Variants in CYP3A5 observed in about 807,000 individuals in gnomAD.
The protein encoded by CYP3A5 is cytochrome P450 family 3 subfamily A member 5, also known as cytochrome P450 3A5.
A neutral mutation model predicts 55.9 loss-of-function variants in CYP3A5; 51 were observed. The observed-to-expected ratio is 0.91, with a 90% confidence interval of 0.73 to 1.15. CYP3A5 has a LOEUF of 1.15. CYP3A5 is among the 50% of genes most tolerant of loss of function. The probability of loss-of-function intolerance (pLI) is 0.00; values close to 1 mark genes in which losing one functional copy is unlikely to be tolerated. For missense variants in CYP3A5, 533 were observed against 596.6 expected (o/e 0.89, Z 1.11); for synonymous variants, 196 against 213.9 (o/e 0.92, Z 0.73).
Position 99,648,340 on chromosome 7 carries a change from C to T in CYP3A5, c.1474G>A (p.Val492Met), listed in dbSNP as rs751470585. ...LQPEKPIVLK[V>M]DSRDGTLSGE ...CTTAGGGTTCCATCTCTTGAATCCA[C>T]CTTTAGAACAATGGGTTTTTCTGGT... Residue 492 changes from valine (V) to methionine (M), a missense_variant, in exon 13 of 13, where the codon GTG (valine) becomes ATG (methionine). Transcript: ENST00000222982. The T allele has an allele frequency of 1.9e-6, 3 of 1,612,568 alleles. No individual in the cohort carries two copies. Among genetic ancestry groups the T allele is most frequent in the East Asian group, 4.5e-5 (2 of 44,840 alleles).
chr7:99,663,644 A>T, intron 8 of CYP3A5: 1 of 1,013,112 alleles, frequency 9.9e-7, no homozygotes, highest in Non-Finnish European at 1.2e-6. Flanking sequence ...GCACAATACC[A>T]GTAAAATATA....
At chr7:99,666,245 C>T (rs1432149342) in intron 6 of CYP3A5, among the ~76,000 whole-genome samples, 1 of 152,206 alleles carries the variant, frequency 6.6e-6, no homozygotes, top group African/African-American at 2.4e-5. Flanking sequence ...CAATGCAAGG[C>T]AACAAGTACC....
intron 10 of CYP3A5, among the ~76,000 whole-genome samples, chr7:99,655,541 A>C (rs760850850): frequency 1.1e-4 from 17 of 152,236 alleles, no homozygotes; most frequent in Non-Finnish European, 2.4e-4. Context: ...CTTTTGGCTT[A>C]GGATTGACTT....
chr7:99,660,769 C>A, intron 9 of CYP3A5, 110 bp from the exon 10 acceptor site: 1 of 1,332,664 alleles, frequency 7.5e-7, no homozygotes. Context: ...AATGGAAAAG[C>A]AATTCAAAGT....
chr7:99,675,834 C>T (rs1195273088), intron 2 of CYP3A5, among the ~76,000 whole-genome samples: 1 of 149,238 alleles, frequency 6.7e-6, no homozygotes, highest in Non-Finnish European at 1.5e-5. Flanking sequence ...GCTGGGACTA[C>T]AGGCATGGGC....
At chr7:99,651,373 G>C (rs1022981839) in intron 11 of CYP3A5, among the ~76,000 whole-genome samples, 1 of 152,130 alleles carries the variant, frequency 6.6e-6, no homozygotes, top group Non-Finnish European at 1.5e-5. Flanking sequence ...CCAAGTTCCT[G>C]ACACATGGCA....
intron 10 of CYP3A5, among the ~76,000 whole-genome samples, chr7:99,654,050 A>G (rs77129191): frequency 6.6e-6 from 1 of 151,988 alleles, no homozygotes; most frequent in Non-Finnish European, 1.5e-5. Context: ...TGTGAGCAAT[A>G]AATGCTTCTC....
intron 12 of CYP3A5, among the ~76,000 whole-genome samples, chr7:99,649,347 C>T (rs565434902): frequency 4.3e-4 from 65 of 152,310 alleles, no homozygotes; most frequent in African/African-American, 1.3e-3. Context: ...TACACCGGTC[C>T]TGGAAATAAG....
At chr7:99,671,759 C>G (rs1811657098) in intron 4 of CYP3A5, 2 of 692,046 alleles carry the variant, frequency 2.9e-6, no homozygotes, top group South Asian at 1.5e-5. Flanking sequence ...AAAGTTTGCT[C>G]TGATATAGAA....
intron 2 of CYP3A5, 23 bp from the exon 3 acceptor site, chr7:99,674,608 A>G: frequency 6.2e-7 from 1 of 1,602,242 alleles, no homozygotes; most frequent in South Asian, 1.1e-5. Flanking sequence ...ACAAAATACA[A>G]GTTGATTATT....
intron 3 of CYP3A5, chr7:99,672,964 T>C: frequency 9.0e-7 from 1 of 1,112,020 alleles, no homozygotes; most frequent in East Asian, 4.4e-5. Context: ...GAAATGACAG[T>C]AGAGCATTCG....
In CYP3A5 at chr7:99,650,214, G is replaced by A. The variant is rs2151352191; in HGVS notation, c.1272C>T (p.Asp424=). 1.2e-6 allele frequency: 2 copies of A among 1,613,560 alleles called. No homozygotes were observed. Among genetic ancestry groups the A allele is most frequent in the Admixed American group, 1.7e-5 (1 of 59,948 alleles). The change falls in exon 12 of 13, where the codon GAC becomes GAT. Residue 424 remains aspartate (D), a synonymous_variant. Coordinates refer to ENST00000222982, the MANE Select transcript of CYP3A5 (RefSeq NM_000777.5). ...FRPERFSKKK[D]SIDPYIYTPF... is the part of the protein sequence containing the mutation. ...GTGTGTATATGTAAGGATCTATGCT[G>A]TCCTTCTTCTTACTGAACCTAGTTC...
Position 99,662,971 on chromosome 7 carries a change from G to T in CYP3A5, c.799-89C>A. On this transcript the variant is annotated intron_variant, in intron 8 of 12. Transcript: ENST00000222982. The surrounding 1 kb of genome is among the most constrained non-coding windows in gnomAD (Gnocchi z 4.3). The stretch of plus-strand genomic sequence containing the variant: ...AGTGCAGTCCTCAACCTCCCTTCTT[G>T]ACTTCCCTCCCTCAACCTCCCTATG... 1 of 1,573,208 alleles carries T rather than the reference G, an allele frequency of 6.4e-7. No individual in the cohort carries two copies.
At chr7:99,675,062 C>T (rs1812084929) in intron 2 of CYP3A5, among the ~76,000 whole-genome samples, 2 of 152,160 alleles carry the variant, frequency 1.3e-5, no homozygotes, top group Non-Finnish European at 2.9e-5. Flanking sequence ...TTAAAGAAAC[C>T]AGGAACCTCT....
In CYP3A5 at chr7:99,650,090, G is replaced by A; in HGVS notation, c.1396C>T (p.Pro466Ser). Residue 466 changes from proline (P) to serine (S), a missense_variant, in exon 12 of 13, where the codon CCT (proline) becomes TCT (serine). Coordinates refer to ENST00000222982, the MANE Select transcript of CYP3A5 (RefSeq NM_000777.5). Reference protein sequence around the residue: ...IRVLQNFSFKPCKETQIPLKL... With the variant: ...IRVLQNFSFKSCKETQIPLKL... ...GTACTGACCTGTGTTTCTTTACAAG[G>A]TTTGAAGGAGAAGTTCTGAAGGACT... 2.5e-6 allele frequency: 4 copies of A among 1,614,068 alleles called. No homozygotes were observed. Among genetic ancestry groups the A allele is most frequent in the Middle Eastern group, 1.6e-4 (1 of 6,062 alleles).
rs538867950 is a variant in CYP3A5 at position 99,662,793 on chromosome 7, C to A, written c.865+23G>T. ...CCCTCTTAGTGTCCCCGCCAGTAGC[C>A]CTCAGAAGCACTCCTTGGTTACCTT... On this transcript the variant is annotated intron_variant, in intron 9 of 12. Coordinates refer to ENST00000222982, the MANE Select transcript of CYP3A5 (RefSeq NM_000777.5). The surrounding 1 kb of genome is among the most constrained non-coding windows in gnomAD (Gnocchi z 4.3). 21 of 1,606,870 alleles carry A rather than the reference C, an allele frequency of 1.3e-5. No individual in the cohort carries two copies. The Admixed American group carries it at 3.5e-4, about 27-fold the overall frequency.
chr7:99,672,042 T>TCTGTTGTTGTTG, intron 4 of CYP3A5, among the ~76,000 whole-genome samples: 1 of 151,728 alleles, frequency 6.6e-6, no homozygotes, highest in South Asian at 2.1e-4. Flanking sequence ...TTTGCCGGTT[T>TCTGTTGTTGTTG]TTGTTGTTGT....
intron 8 of CYP3A5, chr7:99,663,187 C>T (rs1028009799): frequency 8.9e-7 from 1 of 1,128,162 alleles, no homozygotes; most frequent in African/African-American, 1.6e-5. Context: ...CCGGTTCCAT[C>T]TCTGGTCATA....
At chr7:99,654,673 G>C (rs1206331556) in intron 10 of CYP3A5, among the ~76,000 whole-genome samples, 1 of 152,212 alleles carries the variant, frequency 6.6e-6, no homozygotes, top group Admixed American at 6.5e-5. Flanking sequence ...TTCCACAATG[G>C]TTGAACTAGT....
Sources: gnomAD v4.1 joint callset for allele counts (sites outside exome capture counted in the v4.1 genomes callset) on GRCh38, gnomAD v4.1.1 for gene constraint, Gnocchi (gnomAD v3.1) non-coding constraint, MANE v1.5 for transcripts, NCBI Gene and HGNC (gene_info 2026-07-23, HGNC 2026-07-21) for gene names.